PARP9: variants seen among roughly 807,000 people sequenced by gnomAD.
The protein encoded by PARP9 is poly(ADP-ribose) polymerase family member 9, also known as protein mono-ADP-ribosyltransferase PARP9.
Under a neutral mutation model 68.8 loss-of-function variants are expected in PARP9, and 48 were observed. The ratio of observed to expected loss-of-function variants is 0.70; its 90% CI spans 0.55 to 0.89. The LOEUF is 0.89. PARP9 is among the 40% of genes least tolerant of loss of function. The pLI is 0.00. For synonymous variants in PARP9, 309 were observed against 333.8 expected (o/e 0.93, Z 0.81); for missense variants, 806 against 969.3 (o/e 0.83, Z 2.24).
intron 10 of PARP9, chr3:122,533,591 A>G (rs1172547960): frequency 1.4e-6 from 1 of 730,966 alleles, no homozygotes; most frequent in African/African-American, 1.9e-5. Flanking sequence ...TTGTAAGGGC[A>G]AGAACTCTAT....
At chr3:122,552,665 T>C in intron 4 of PARP9, 26 bp from the exon 5 acceptor site, 1 of 1,522,202 alleles carries the variant, frequency 6.6e-7, no homozygotes. Context: ...AGGGTAGGAT[T>C]CATTGTTAAA....
At chr3:122,553,732 T>G (rs1014462960) in intron 4 of PARP9, among the ~76,000 whole-genome samples, 7 of 152,170 alleles carry the variant, frequency 4.6e-5, no homozygotes, top group Non-Finnish European at 8.8e-5. Context: ...ACGAGAGTCT[T>G]AAGTGTGACA....
At position 122,547,001 on chromosome 3, in the gene PARP9, T is replaced by C. The variant is rs942817183; in HGVS notation, c.1327-1512A>G. Among the ~76,000 whole-genome samples, 63 of 100,918 alleles carry C rather than the reference T, an allele frequency of 6.2e-4. 1 individual carries two copies. In the East Asian group the frequency reaches 0.015, roughly 24 times the overall value. 66.2% of individuals were successfully genotyped at this position (100,918 alleles called of 152,430 possible). ...ATATATATATATATATATATATATA[T>C]ATATATATATATACACACACACACA... On this transcript the variant is annotated intron_variant, in intron 6 of 10. Transcript: ENST00000682323.
In PARP9 at chr3:122,564,157, G is replaced by C; in HGVS notation, c.-90+88C>G. On this transcript the variant is annotated intron_variant, in intron 1 of 10. Transcript: ENST00000682323. ...CAAGGGAGGCCTGGCCCTGGGACCC[G>C]GGTCCGCGCCCGTCCCCCTTCTCCC... The C allele has an allele frequency of 4.2e-6, 2 of 474,078 alleles. 1 individual carries two copies. Among genetic ancestry groups the C allele is most frequent in the South Asian group, 6.6e-5 (2 of 30,280 alleles). 29.4% of individuals were successfully genotyped at this position (474,078 alleles called of 1,614,324 possible).
chr3:122,528,263 C>A lies in PARP9; in HGVS notation c.*101G>T, dbSNP rs1355639052. On this transcript the variant is annotated 3_prime_UTR_variant, in exon 11 of 11. Coordinates refer to ENST00000682323, the MANE Select transcript of PARP9 (RefSeq NM_001146105.2). ...TAACCCAGTCAGTCCATACAGATAA[C>A]CCATGGGATATATTCAAGCCACTCT... The A allele has an allele frequency of 2.1e-6, 3 of 1,421,866 alleles. No individual in the cohort carries two copies. The highest frequency in any genetic ancestry group is 2.9e-5 in the African/African-American group (2 of 69,954). 88.1% of individuals were successfully genotyped at this position (1,421,866 alleles called of 1,614,324 possible). A position where few individuals can be genotyped will look rare whatever the true frequency, so the allele number is the denominator to read the frequency against.
rs920509157 is a variant in PARP9 at position 122,546,891 on chromosome 3, G to A, written c.1327-1402C>T. Among the ~76,000 whole-genome samples, 4 of 146,906 alleles carry A rather than the reference G, an allele frequency of 2.7e-5. No individual in the cohort carries two copies. In the Admixed American group the frequency reaches 2.8e-4, roughly 10 times the overall value. On this transcript the variant is annotated intron_variant, in intron 6 of 10. Transcript: ENST00000682323. ...TTGTAAAATGGAGACGACAACAGTG[G>A]CTTCATCAAAAGATTAAGGGGAGAA...
intron 6 of PARP9, among the ~76,000 whole-genome samples, chr3:122,547,041 C>CATACACACATAT (rs1199609448): frequency 8.1e-6 from 1 of 124,126 alleles, no homozygotes; most frequent in African/African-American, 2.9e-5. Context: ...CACACATATA[C>CATACACACATAT]ATACACACAT....
Position 122,533,671 on chromosome 3 carries a change from A to G in PARP9, c.2080+2497T>C, listed in dbSNP as rs139831615. On this transcript the variant is annotated intron_variant, in intron 10 of 10. Coordinates refer to ENST00000682323, the MANE Select transcript of PARP9 (RefSeq NM_001146105.2). ...CTGATTCATAGAATGTGCTTAATAA[A>G]TACCTGTGGAACAAATGAATCAACC... is the stretch of plus-strand genomic sequence containing the variant. The G allele has an allele frequency of 4.0e-5, 39 of 984,408 alleles. No individual in the cohort carries two copies. In the East Asian group the frequency reaches 3.4e-3, roughly 86 times the overall value. 61.0% of individuals were successfully genotyped at this position (984,408 alleles called of 1,614,324 possible). A position where few individuals can be genotyped will look rare whatever the true frequency, so the allele number is the denominator to read the frequency against.
At chr3:122,542,298 A>T (rs1345675290) in intron 7 of PARP9, among the ~76,000 whole-genome samples, 3 of 118,780 alleles carry the variant, frequency 2.5e-5, no homozygotes, top group African/African-American at 6.8e-5. Flanking sequence ...GGGTGTCACT[A>T]TGCTGGTCTT....
At chr3:122,535,476 C>G in intron 10 of PARP9, 2 of 985,370 alleles carry the variant, frequency 2.0e-6, no homozygotes, top group Non-Finnish European at 2.4e-6. Flanking sequence ...ATCAAGCCAC[C>G]CCGCTAAGTA....
At chr3:122,554,242 A>T (rs1305125995) in intron 4 of PARP9, among the ~76,000 whole-genome samples, 1 of 151,986 alleles carries the variant, frequency 6.6e-6, no homozygotes, top group Non-Finnish European at 1.5e-5. Context: ...AATCATACCC[A>T]TCGAAACTTG....
At chr3:122,541,401 C>G (rs2107618800) in intron 7 of PARP9, among the ~76,000 whole-genome samples, 1 of 152,288 alleles carries the variant, frequency 6.6e-6, no homozygotes, top group South Asian at 2.1e-4. Context: ...CGTCTCTTGC[C>G]TCTGCTATGT....
chr3:122,542,356 T>G (rs950817135), intron 7 of PARP9, among the ~76,000 whole-genome samples: 2 of 149,700 alleles, frequency 1.3e-5, no homozygotes, highest in Non-Finnish European at 3.0e-5. Context: ...CCCAAAGCAC[T>G]GGGACTACAG....
chr3:122,562,472 C>T lies in PARP9; in HGVS notation c.-90+1773G>A, dbSNP rs376898558. The stretch of plus-strand genomic sequence containing the variant: ...CCTCCCAAAGTGCTGGGATTACAGG[C>T]GTGAGCCACCGCGCCCAGCCATCAA... On this transcript the variant is annotated intron_variant, in intron 1 of 10. Transcript: ENST00000682323. Among the ~76,000 whole-genome samples the T allele has an allele frequency of 1.8e-4, 28 of 152,080 alleles. 1 individual carries two copies. In the Middle Eastern group the frequency reaches 0.01, roughly 55 times the overall value.
intron 5 of PARP9, 54 bp from the exon 6 acceptor site, chr3:122,550,856 C>T (rs538302111): frequency 1.9e-5 from 28 of 1,469,730 alleles, no homozygotes; most frequent in Middle Eastern, 2.3e-4. Context: ...CAAGACTCCA[C>T]TTACCCCTTG....
At chr3:122,539,667 T>C (rs1307723988) in intron 8 of PARP9, among the ~76,000 whole-genome samples, 1 of 151,918 alleles carries the variant, frequency 6.6e-6, no homozygotes, top group Admixed American at 6.6e-5. Flanking sequence ...TTCAAGTGAT[T>C]CTCCTGCCTC....
chr3:122,556,150 A>G (rs2079634597), intron 3 of PARP9, 29 bp from the exon 4 acceptor site: 4 of 563,192 alleles, frequency 7.1e-6, no homozygotes, highest in South Asian at 3.5e-5. Context: ...TTAAAAAAAA[A>G]AAAAAAAAAA....
At chr3:122,564,667 T>G (rs1576456942), upstream of PARP9, 1 of 1,546,908 alleles carries the variant, frequency 6.5e-7, no homozygotes, top group Admixed American at 2.2e-5. Context: ...GGCCCCCGGG[T>G]TTCCAGGCGG....
intron 4 of PARP9, among the ~76,000 whole-genome samples, chr3:122,553,038 G>T (rs373574593): frequency 6.6e-6 from 1 of 151,850 alleles, no homozygotes; most frequent in Non-Finnish European, 1.5e-5. Flanking sequence ...GTTTTGTCTC[G>T]TTTTAAATAG....
Sources: allele counts gnomAD v4.1 joint callset (sites outside exome capture counted in the v4.1 genomes callset), GRCh38; gene constraint gnomAD v4.1.1; transcripts MANE v1.5; gene names NCBI Gene and HGNC (gene_info 2026-07-23, HGNC 2026-07-21).